DPP7: variants seen among roughly 807,000 people sequenced by gnomAD.
DPP7 encodes the protein dipeptidyl peptidase 2.
Under a neutral mutation model 58.8 loss-of-function variants are expected in DPP7, and 74 were observed. That is an observed-to-expected ratio of 1.26 (90% confidence interval 1.04 to 1.53). The LOEUF is 1.53. Among genes scored for constraint, DPP7 ranks in the 40% most tolerant of loss-of-function variants. The probability of loss-of-function intolerance (pLI) is 0.00; values close to 1 mark genes in which losing one functional copy is unlikely to be tolerated. For synonymous variants in DPP7, 350 were observed against 303.6 expected (o/e 1.15, Z -1.59); for missense variants, 807 against 692.3 (o/e 1.17, Z -1.86).
At position 137,113,931 on chromosome 9, in the gene DPP7, T is replaced by A; in HGVS notation, c.419A>T (p.Glu140Val). The A allele has an allele frequency of 6.3e-7, 1 of 1,584,526 alleles. No individual in the cohort carries two copies. Among genetic ancestry groups the A allele is most frequent in the Non-Finnish European group, 8.5e-7 (1 of 1,171,972 alleles). The change falls in exon 4 of 13, where the codon GAG (glutamate) becomes GTG (valine). Residue 140 changes from glutamate to valine, a missense_variant. By Grantham distance (121) the Glu-to-Val change is moderately radical. Transcript: ENST00000371579. ...TVEQALADFA[E>V]LLRALRRDLG... ...GTCGCGTCGTAGCGCGCGGAGCAGC[T>A]CTGCGAAGTCGGCCAGGGCCTGCTC... is the stretch of plus-strand genomic sequence containing the variant.
At chr9:137,112,511 T>TCCCA (rs1412104099) in intron 8 of DPP7, 1 of 647,752 alleles carries the variant, frequency 1.5e-6, no homozygotes, top group Non-Finnish European at 2.6e-6. Context: ...AGGGGCCCCT[T>TCCCA]GGGCAGCACC....
chr9:137,112,259 G>A lies in DPP7; in HGVS notation c.932-29C>T, dbSNP rs367654546. 2.1e-5 allele frequency: 33 copies of A among 1,573,952 alleles called. No homozygotes were observed. The South Asian group carries it at 2.1e-4, about 10-fold the overall frequency. On this transcript the variant is annotated intron_variant, in intron 8 of 12. Coordinates refer to ENST00000371579, the MANE Select transcript of DPP7 (RefSeq NM_013379.3). ...GGGAGGAGAGGCGCTGGGGCCCAGC[G>A]GCCACACACAGACACACCGCGGGCT...
At chr9:137,113,711 G>T (rs1831493399) in intron 4 of DPP7, 154 bp downstream of exon 4, 2 of 1,421,286 alleles carry the variant, frequency 1.4e-6, no homozygotes, top group Non-Finnish European at 1.8e-6. Context: ...AGGTGGGAGG[G>T]CTTCCTGGGG....
rs375048462 is a variant in DPP7 at position 137,112,823 on chromosome 9, C to T, written c.871-18G>A. The T allele has an allele frequency of 1.1e-5, 17 of 1,607,598 alleles. No individual in the cohort carries two copies. The highest frequency in any genetic ancestry group is 2.2e-5 in the East Asian group (1 of 44,724). On this transcript the variant is annotated intron_variant, in intron 7 of 12. Coordinates refer to ENST00000371579, the MANE Select transcript of DPP7 (RefSeq NM_013379.3). The stretch of plus-strand genomic sequence containing the variant: ...CAGCCCACCTGGAGTGCAGGGGCAG[C>T]GGCGACTCAGCGGGGTCCCCTCCAC...
chr9:137,113,404 G>T lies in DPP7; in HGVS notation c.578C>A (p.Ala193Glu). ...LAASAPVLAV[A>E]GLGDSNQFFR... ...GAACTGGTTGGAGTCGCCGAGGCCT[G>T]CCACAGCTAGAACGGGCGCGCTGGC... Residue 193 changes from alanine (A) to glutamate (E), a missense_variant, in exon 5 of 13, where the codon GCA (alanine) becomes GAA (glutamate). Ala to Glu is a moderately radical substitution (Grantham distance 107). This residue lies in a region of DPP7 where 624 missense variants were observed against 531.2 expected (regional missense o/e 1.17). Coordinates refer to ENST00000371579, the MANE Select transcript of DPP7 (RefSeq NM_013379.3). 1 of 1,609,810 alleles carries T rather than the reference G, an allele frequency of 6.2e-7. No individual in the cohort carries two copies. The highest frequency in any genetic ancestry group is 8.5e-7 in the Non-Finnish European group (1 of 1,177,584).
chr9:137,115,923 TACCCC>T (rs374027142), upstream of DPP7, among the ~76,000 whole-genome samples: 847 of 151,850 alleles, frequency 5.6e-3, 2 homozygotes, highest in African/African-American at 0.018. Flanking sequence ...GATGTGGAGG[TACCCC>T]ACGGCGTCCC....
At chr9:137,113,669 C>G (rs192111487) in intron 4 of DPP7, 173 bp from the exon 5 acceptor site, 1 of 1,424,112 alleles carries the variant, frequency 7.0e-7, no homozygotes, top group African/African-American at 1.4e-5. Context: ...AGTGTGGCCG[C>G]ACATCCAAGC....
chr9:137,113,626 G>A (rs762749085), intron 4 of DPP7, 130 bp from the exon 5 acceptor site: 8 of 1,432,934 alleles, frequency 5.6e-6, no homozygotes, highest in Non-Finnish European at 6.4e-6. Flanking sequence ...CCTGGGCCAG[G>A]TGCGGGTGCA....
At chr9:137,116,115 G>T (rs1471339669), upstream of DPP7, among the ~76,000 whole-genome samples, 5 of 152,178 alleles carry the variant, frequency 3.3e-5, no homozygotes, top group African/African-American at 9.7e-5. Context: ...CCACAGAGGG[G>T]CCAGAGCCTC....
At chr9:137,117,983 G>A (rs1164373652), upstream of DPP7, among the ~76,000 whole-genome samples, 1 of 151,412 alleles carries the variant, frequency 6.6e-6, no homozygotes, top group East Asian at 1.9e-4. Context: ...GAATCCTACA[G>A]CATTTTGTCC....
Position 137,113,100 on chromosome 9 carries a change from C to G in DPP7, c.723G>C (p.Trp241Cys). Residue 241 changes from tryptophan to cysteine, a missense_variant, in exon 7 of 13, where the codon TGG (tryptophan) becomes TGC (cysteine). Trp to Cys is a radical substitution (Grantham distance 215). Coordinates refer to ENST00000371579, the MANE Select transcript of DPP7 (RefSeq NM_013379.3). ...FLQGAYDTVR[W>C]EFGTCQPLSD... Reference sequence around the variant, plus strand: ...ACAGCGGCTGGCAGGTGCCGAACTCCCAGCGGACCGTGTCGTAGGCTGCGT... The same window carrying G: ...ACAGCGGCTGGCAGGTGCCGAACTCGCAGCGGACCGTGTCGTAGGCTGCGT... 6.2e-7 allele frequency: 1 copy of G among 1,613,800 alleles called. No homozygotes were observed. Among genetic ancestry groups the G allele is most frequent in the Non-Finnish European group, 8.5e-7 (1 of 1,180,026 alleles).
chr9:137,115,887 G>A (rs1361709403), upstream of DPP7, among the ~76,000 whole-genome samples: 1 of 152,184 alleles, frequency 6.6e-6, no homozygotes, highest in East Asian at 1.9e-4. Flanking sequence ...CAGGACGGGG[G>A]TGAGGACAAA....
At chr9:137,117,940 G>A (rs1457003859), upstream of DPP7, among the ~76,000 whole-genome samples, 1 of 151,892 alleles carries the variant, frequency 6.6e-6, no homozygotes, top group African/African-American at 2.4e-5. Flanking sequence ...CTGTCTCTGT[G>A]GCTCTGCTGA....
chr9:137,113,070 G>T lies in DPP7; in HGVS notation c.753C>A (p.Asp251Glu). Reference protein sequence around the residue: ...WEFGTCQPLSDEKDLTQLFMF... With the variant: ...WEFGTCQPLSEEKDLTQLFMF... ...TGAAGAGCTGGGTCAGGTCCTTCTC[G>T]TCTGACAGCGGCTGGCAGGTGCCGA... Residue 251 changes from aspartate (D) to glutamate (E), a missense_variant, in exon 7 of 13, where the codon GAC (aspartate) becomes GAA (glutamate). By Grantham distance (45) the Asp-to-Glu change is conservative. Around this residue, in one of 3 missense-constraint regions of DPP7, gnomAD observed 624 missense variants for 531.2 expected, o/e 1.17. Coordinates refer to ENST00000371579, the MANE Select transcript of DPP7 (RefSeq NM_013379.3). 6.2e-7 allele frequency: 1 copy of T among 1,613,932 alleles called. No homozygotes were observed. Among genetic ancestry groups the T allele is most frequent in the Non-Finnish European group, 8.5e-7 (1 of 1,180,006 alleles).
chr9:137,113,395 C>A lies in DPP7; in HGVS notation c.587G>T (p.Gly196Val), dbSNP rs1831474755. The change falls in exon 5 of 13, where the codon GGC becomes GTC. Residue 196 changes from glycine (G) to valine (V), a missense_variant. Transcript: ENST00000371579. ...GTCCCGGAAGAACTGGTTGGAGTCG[C>A]CGAGGCCTGCCACAGCTAGAACGGG... is the stretch of plus-strand genomic sequence containing the variant. Reference protein sequence around the residue: ...SAPVLAVAGLGDSNQFFRDVT... With the variant: ...SAPVLAVAGLVDSNQFFRDVT... The A allele has an allele frequency of 6.2e-7, 1 of 1,609,952 alleles. No homozygotes were observed. Among genetic ancestry groups the A allele is most frequent in the Non-Finnish European group, 8.5e-7 (1 of 1,177,698 alleles).
rs771468369 is a variant in DPP7 at position 137,114,311 on chromosome 9, C to T, written c.253G>A (p.Ala85Thr). The T allele has an allele frequency of 6.2e-7, 1 of 1,605,142 alleles. No homozygotes were observed. Among genetic ancestry groups the T allele is most frequent in the Non-Finnish European group, 8.5e-7 (1 of 1,176,678 alleles). Reference sequence around the variant, plus strand: ...TCCGCGACGAAGGCCGAGTTGTTGGCGAAGGCCCACACGTCGCCCTCGTTC... The same window carrying T: ...TCCGCGACGAAGGCCGAGTTGTTGGTGAAGGCCCACACGTCGCCCTCGTTC... ...TGNEGDVWAFANNSAFVAELA... is the reference protein window; with the variant it reads ...TGNEGDVWAFTNNSAFVAELA... Residue 85 changes from alanine (A) to threonine (T), a missense_variant, in exon 3 of 13, where the codon GCC becomes ACC. Ala to Thr is a moderately conservative substitution (Grantham distance 58). Transcript: ENST00000371579.
chr9:137,114,308 T>C lies in DPP7; in HGVS notation c.256A>G (p.Asn86Asp). ...AGCTCCGCGACGAAGGCCGAGTTGTTGGCGAAGGCCCACACGTCGCCCTCG... is the reference window on the plus strand; with the variant it reads ...AGCTCCGCGACGAAGGCCGAGTTGTCGGCGAAGGCCCACACGTCGCCCTCG... Reference protein sequence around the residue: ...GNEGDVWAFANNSAFVAELAA... With the variant: ...GNEGDVWAFADNSAFVAELAA... Residue 86 changes from asparagine to aspartate, a missense_variant, in exon 3 of 13, where the codon AAC becomes GAC. Asn to Asp is a conservative substitution (Grantham distance 23). Around this residue, in one of 3 missense-constraint regions of DPP7, gnomAD observed 168 missense variants for 124.1 expected, o/e 1.35. Transcript: ENST00000371579. 1 of 1,605,274 alleles carries C rather than the reference T, an allele frequency of 6.2e-7. No individual in the cohort carries two copies. The highest frequency in any genetic ancestry group is 8.5e-7 in the Non-Finnish European group (1 of 1,176,716).
chr9:137,114,473 G>A lies in DPP7; in HGVS notation c.171C>T (p.Phe57=), dbSNP rs781602432. Residue 57 remains phenylalanine, a synonymous_variant, in exon 2 of 13, where the codon TTC becomes TTT. Coordinates refer to ENST00000371579, the MANE Select transcript of DPP7 (RefSeq NM_013379.3). ...GGGCCGGGGTCTCACCCGACACCAG[G>A]AAGCGCTGAGGGAAGGTCTTGTTGC... ...RFGNKTFPQR[F]LVSDRFWVRG... 1.9e-6 allele frequency: 3 copies of A among 1,572,998 alleles called. No homozygotes were observed. The highest frequency in any genetic ancestry group is 2.6e-6 in the Non-Finnish European group (3 of 1,159,680).
chr9:137,117,032 G>T (rs1831655764), upstream of DPP7, among the ~76,000 whole-genome samples: 1 of 152,210 alleles, frequency 6.6e-6, no homozygotes, highest in Non-Finnish European at 1.5e-5. Flanking sequence ...CTCATGCAAA[G>T]ATAGTGAAAA....
Sources: gnomAD v4.1 joint callset for allele counts (sites outside exome capture counted in the v4.1 genomes callset) on GRCh38, gnomAD v4.1.1 for gene constraint, gnomAD v4.1.1 regional missense constraint, MANE v1.5 for transcripts, NCBI Gene and HGNC (gene_info 2026-07-23, HGNC 2026-07-21) for gene names.